The following GNB1L variants were observed in gnomAD, a reference collection of about 807,000 sequenced individuals.
GNB1L encodes G protein subunit beta 1 like.
Under a neutral mutation model 29.1 loss-of-function variants are expected in GNB1L, and 20 were observed. The ratio of observed to expected loss-of-function variants is 0.69; its 90% CI spans 0.48 to 1.00. The LOEUF is 1.00. GNB1L is among the 50% of genes least tolerant of loss of function. The pLI is 0.00. For missense variants in GNB1L, 421 were observed against 464.9 expected (o/e 0.91, Z 0.87); for synonymous variants, 193 against 206.5 (o/e 0.93, Z 0.56).
chr22:19,797,111 T>G (rs1461943712), intron 7 of GNB1L, among the ~76,000 whole-genome samples: 3 of 152,144 alleles, frequency 2.0e-5, no homozygotes, highest in Non-Finnish European at 2.9e-5. Flanking sequence ...AGAAAATAAC[T>G]GCCCAGTAAT....
At chr22:19,840,389 C>T (rs865998159) in intron 2 of GNB1L, among the ~76,000 whole-genome samples, 1 of 152,074 alleles carries the variant, frequency 6.6e-6, no homozygotes, top group Non-Finnish European at 1.5e-5. Context: ...GAGGAGAGTA[C>T]GGAAAGGAGA....
intron 6 of GNB1L, among the ~76,000 whole-genome samples, chr22:19,805,549 G>A (rs535663383): frequency 1.3e-5 from 2 of 152,322 alleles, no homozygotes; most frequent in Admixed American, 6.5e-5. Context: ...TTGGGAGGCC[G>A]AAGCGGGCGG....
chr22:19,802,116 C>A lies in GNB1L; in HGVS notation c.617G>T (p.Cys206Phe), dbSNP rs1263918744. The A allele has an allele frequency of 1.2e-6, 2 of 1,613,330 alleles. No homozygotes were observed. Among genetic ancestry groups the A allele is most frequent in the African/African-American group, 2.7e-5 (2 of 74,942 alleles). Residue 206 changes from cysteine (C) to phenylalanine (F), a missense_variant, in exon 7 of 8, where the codon TGC becomes TTC. By Grantham distance (205) the Cys-to-Phe change is radical. Transcript: ENST00000329517. Reference sequence around the variant, plus strand: ...AAGGTCCATGACGGGCTCCTCATGGCAGGCGATGCGGCTGCACACCTTCTG... The same window carrying A: ...AAGGTCCATGACGGGCTCCTCATGGAAGGCGATGCGGCTGCACACCTTCTG... ...SEQKVCSRIA[C>F]HEEPVMDLDF...
intron 6 of GNB1L, among the ~76,000 whole-genome samples, chr22:19,804,339 C>A (rs903952820): frequency 6.6e-6 from 1 of 152,210 alleles, no homozygotes; most frequent in East Asian, 1.9e-4. Flanking sequence ...CCCAGAGGGA[C>A]ACAGCAGGTC....
intron 2 of GNB1L, among the ~76,000 whole-genome samples, chr22:19,843,943 G>GCTGCCC (rs1219716807): frequency 1.3e-5 from 2 of 152,070 alleles, no homozygotes; most frequent in Admixed American, 1.3e-4. Context: ...CTAGGGTATA[G>GCTGCCC]CTGCCCCCCA....
chr22:19,851,872 C>A, intron 2 of GNB1L: 1 of 1,613,964 alleles, frequency 6.2e-7, no homozygotes. Context: ...CCTGATAGTG[C>A]TCAAAGTGGA....
At chr22:19,853,511 C>T (rs1311338621) in intron 2 of GNB1L, among the ~76,000 whole-genome samples, 3 of 152,162 alleles carry the variant, frequency 2.0e-5, no homozygotes, top group Admixed American at 6.5e-5. Flanking sequence ...CTCTGCTTCA[C>T]CCCACACACA....
At chr22:19,795,613 A>G (rs1454671932) in intron 7 of GNB1L, among the ~76,000 whole-genome samples, 2 of 152,282 alleles carry the variant, frequency 1.3e-5, no homozygotes, top group Non-Finnish European at 2.9e-5. Flanking sequence ...AAATCAACGA[A>G]TATTTGGAAA....
chr22:19,790,841 T>C (rs1473728860), intron 7 of GNB1L, among the ~76,000 whole-genome samples: 1 of 152,160 alleles, frequency 6.6e-6, no homozygotes, highest in Non-Finnish European at 1.5e-5. Context: ...GGCAAAGATA[T>C]ACTGGGAAAA....
chr22:19,806,848 T>A, intron 5 of GNB1L, 91 bp from the exon 6 acceptor site: 3 of 907,846 alleles, frequency 3.3e-6, no homozygotes, highest in Non-Finnish European at 5.3e-6. Context: ...TAGCCCGGGC[T>A]GCTGTGAGTT....
intron 2 of GNB1L, chr22:19,849,688 A>G (rs947652978): frequency 2.0e-6 from 2 of 985,252 alleles, no homozygotes; most frequent in Non-Finnish European, 2.4e-6. Context: ...AAGTTTAATC[A>G]GATGCTTGCT....
chr22:19,791,577 A>C (rs1010677119), intron 7 of GNB1L, among the ~76,000 whole-genome samples: 2 of 152,206 alleles, frequency 1.3e-5, no homozygotes, highest in East Asian at 3.8e-4. Flanking sequence ...GCTGAAATCC[A>C]TGGGGCAAGG....
At chr22:19,801,922 C>T (rs1937376844) in intron 7 of GNB1L, 79 bp downstream of exon 7, 2 of 1,208,828 alleles carry the variant, frequency 1.7e-6, no homozygotes, top group South Asian at 1.4e-5. Flanking sequence ...AACTCCTCTT[C>T]ATGCCTAAAT....
At chr22:19,839,213 T>C (rs1236068190) in intron 2 of GNB1L, among the ~76,000 whole-genome samples, 2 of 152,066 alleles carry the variant, frequency 1.3e-5, no homozygotes, top group Non-Finnish European at 2.9e-5. Context: ...CTGATTGAGG[T>C]GGTGTTGACA....
At chr22:19,819,322 G>C (rs978925813) in intron 4 of GNB1L, among the ~76,000 whole-genome samples, 6 of 152,260 alleles carry the variant, frequency 3.9e-5, no homozygotes, top group African/African-American at 1.4e-4. Context: ...ACCCATGCAG[G>C]AGGATGGTGC....
At chr22:19,851,084 G>C in intron 2 of GNB1L, 1 of 1,482,968 alleles carries the variant, frequency 6.7e-7, no homozygotes, top group Non-Finnish European at 9.0e-7. Context: ...ACACCACTCT[G>C]CTCTGACTGG....
intron 2 of GNB1L, chr22:19,846,465 G>A (rs1937962936): frequency 1.0e-6 from 1 of 985,218 alleles, no homozygotes; most frequent in Admixed American, 6.1e-5. Context: ...CAGAACCCAG[G>A]GCCTGGGGGA....
Position 19,788,878 on chromosome 22 carries a change from C to G in GNB1L, c.815G>C (p.Gly272Ala), listed in dbSNP as rs138975935. ...GAACACGCGGATGCGGTGGTCCCAG[C>G]CTGCGGTGGCCAGGATCTTGCGATC... Reference protein sequence around the residue: ...RPDRKILATAGWDHRIRVFHW... With the variant: ...RPDRKILATAAWDHRIRVFHW... The change falls in exon 8 of 8, where the codon GGC (glycine) becomes GCC (alanine). Residue 272 changes from glycine (G) to alanine (A), a missense_variant. Physicochemically the swap from Gly to Ala is moderately conservative, Grantham distance 60. Transcript: ENST00000329517. 71 of 1,612,802 alleles carry G rather than the reference C, an allele frequency of 4.4e-5. No homozygotes were observed. The highest frequency in any genetic ancestry group is 1.7e-4 in the Middle Eastern group (1 of 6,048).
intron 2 of GNB1L, among the ~76,000 whole-genome samples, chr22:19,842,061 C>A (rs1937871310): frequency 6.6e-6 from 1 of 152,218 alleles, no homozygotes; most frequent in African/African-American, 2.4e-5. Flanking sequence ...TCCCAGGCTA[C>A]ACCTGGAACC....
Sources: gnomAD v4.1 joint callset for allele counts (sites outside exome capture counted in the v4.1 genomes callset) on GRCh38, gnomAD v4.1.1 for gene constraint, MANE v1.5 for transcripts, NCBI Gene and HGNC (gene_info 2026-07-23, HGNC 2026-07-21) for gene names.